ITGA11: variants seen among roughly 807,000 people sequenced by gnomAD.
The protein encoded by ITGA11 is integrin alpha-11.
Under a neutral mutation model 141.9 loss-of-function variants are expected in ITGA11, and 97 were observed. The observed-to-expected ratio is 0.68, with a 90% CI of 0.58 to 0.81. The LOEUF is 0.81. ITGA11 is among the 30% of genes least tolerant of loss of function. ITGA11 has a pLI of 0.00. For synonymous variants in ITGA11, 658 were observed against 624.6 expected (o/e 1.05, Z -0.80); for missense variants, 1,387 against 1,559.2 (o/e 0.89, Z 1.86).
intron 2 of ITGA11, among the ~76,000 whole-genome samples, chr15:68,377,258 T>C (rs1895751366): frequency 6.6e-6 from 1 of 152,228 alleles, no homozygotes; most frequent in Admixed American, 6.5e-5. Flanking sequence ...GTTGCAGAAC[T>C]GTGCAAACTA....
intron 10 of ITGA11, among the ~76,000 whole-genome samples, chr15:68,342,724 G>A (rs1047366640): frequency 6.6e-6 from 1 of 152,248 alleles, no homozygotes; most frequent in Non-Finnish European, 1.5e-5. Flanking sequence ...GCCGGGGCAG[G>A]TTTGTGCCCT....
chr15:68,379,379 C>CAG lies in ITGA11; in HGVS notation c.165-10097_165-10096dup, dbSNP rs146879182. Among the ~76,000 whole-genome samples, 20 of 152,154 alleles carry CAG rather than the reference C, an allele frequency of 1.3e-4. No homozygotes were observed. In the East Asian group the frequency reaches 1.7e-3, roughly 13 times the overall value. Reference sequence around the variant, plus strand: ...CTCTAGATAATTTGCCTGTAGATAGCAGAGAGAGAGAGACCCTGATCCATC... The same window carrying CAG: ...CTCTAGATAATTTGCCTGTAGATAGCAGAGAGAGAGAGAGACCCTGATCCATC... On this transcript the variant is annotated intron_variant, in intron 2 of 29. Transcript: ENST00000315757.
At chr15:68,430,519 T>C (rs1897244416) in intron 1 of ITGA11, among the ~76,000 whole-genome samples, 2 of 152,180 alleles carry the variant, frequency 1.3e-5, no homozygotes, top group African/African-American at 4.8e-5. Context: ...CCCTAGCCCC[T>C]AAGGCAGCCA....
Position 68,364,790 on chromosome 15 carries a change from T to TGAC in ITGA11, c.271_273dup (p.Val91dup). The TGAC allele has an allele frequency of 1.2e-6, 2 of 1,613,610 alleles. No homozygotes were observed. Among genetic ancestry groups the TGAC allele is most frequent in the Non-Finnish European group, 1.7e-6 (2 of 1,179,778 alleles). ...TTCCGCTCGGACACGTTGGACAGGG[T>TGAC]GACCCTTCCTGGGGTTGGGGGAGAA... is the stretch of plus-strand genomic sequence containing the variant. On this transcript the variant is annotated inframe_insertion, in exon 4 of 30. Coordinates refer to ENST00000315757, the MANE Select transcript of ITGA11 (RefSeq NM_001004439.2).
chr15:68,425,288 G>A (rs946873335), intron 1 of ITGA11, among the ~76,000 whole-genome samples: 1 of 152,240 alleles, frequency 6.6e-6, no homozygotes, highest in Non-Finnish European at 1.5e-5. Flanking sequence ...CTTGGTGAAT[G>A]CCCTGCTGTG....
intron 1 of ITGA11, among the ~76,000 whole-genome samples, chr15:68,415,946 A>G (rs1305014983): frequency 6.6e-6 from 1 of 152,206 alleles, no homozygotes; most frequent in Non-Finnish European, 1.5e-5. Context: ...GATGCAGAGC[A>G]GCCTGCCATT....
intron 5 of ITGA11, among the ~76,000 whole-genome samples, 162 bp downstream of exon 5, chr15:68,361,428 C>T (rs1339548119): frequency 6.6e-6 from 1 of 152,080 alleles, no homozygotes; most frequent in African/African-American, 2.4e-5. Context: ...CCACAGAGGC[C>T]CAGAGAGTGG....
At chr15:68,361,001 G>A (rs1895225350) in intron 5 of ITGA11, among the ~76,000 whole-genome samples, 1 of 152,140 alleles carries the variant, frequency 6.6e-6, no homozygotes, top group East Asian at 1.9e-4. Flanking sequence ...CAAGAAGTCT[G>A]GGCTTGTGGG....
intron 7 of ITGA11, among the ~76,000 whole-genome samples, chr15:68,355,672 T>TA (rs1895050303): frequency 1.3e-5 from 2 of 151,892 alleles, no homozygotes; most frequent in Non-Finnish European, 2.9e-5. Context: ...GTCTCAAACT[T>TA]ATGGGCTCAA....
intron 11 of ITGA11, among the ~76,000 whole-genome samples, chr15:68,338,811 G>A (rs976820042): frequency 6.6e-6 from 1 of 152,208 alleles, no homozygotes; most frequent in Non-Finnish European, 1.5e-5. Context: ...CAGTGGATTT[G>A]GTTCAGAAAT....
chr15:68,373,468 T>C (rs566084482), intron 2 of ITGA11, among the ~76,000 whole-genome samples: 19 of 152,328 alleles, frequency 1.2e-4, no homozygotes, highest in Non-Finnish European at 2.5e-4. Flanking sequence ...TTTCCATGCA[T>C]AGGAGTTCAA....
At chr15:68,412,789 C>T (rs1191522045) in intron 1 of ITGA11, among the ~76,000 whole-genome samples, 2 of 151,130 alleles carry the variant, frequency 1.3e-5, no homozygotes, top group Non-Finnish European at 2.9e-5. Flanking sequence ...AATTCTCCTG[C>T]CTCAGTCTTC....
intron 2 of ITGA11, among the ~76,000 whole-genome samples, chr15:68,395,023 T>C (rs4419008): frequency 0.42 from 64,066 of 151,932 alleles, 14,018 homozygotes; most frequent in East Asian, 0.56. Context: ...ACTGGTGATA[T>C]CCAGGCAAAC....
chr15:68,316,954 G>A (rs1178816387), intron 21 of ITGA11, among the ~76,000 whole-genome samples: 1 of 152,188 alleles, frequency 6.6e-6, no homozygotes, highest in East Asian at 1.9e-4. Flanking sequence ...CAGTGGCAGA[G>A]GCCAGAAATT....
chr15:68,409,684 T>C (rs1896728784), intron 1 of ITGA11, among the ~76,000 whole-genome samples: 1 of 152,058 alleles, frequency 6.6e-6, no homozygotes, highest in Non-Finnish European at 1.5e-5. Context: ...ATAAAAATAA[T>C]TGTGTACATG....
Position 68,357,228 on chromosome 15 carries a change from A to G in ITGA11, c.672T>C (p.Asp224=). 1 of 1,613,850 alleles carries G rather than the reference A, an allele frequency of 6.2e-7. No homozygotes were observed. Among genetic ancestry groups the G allele is most frequent in the East Asian group, 2.2e-5 (1 of 44,882 alleles). ...FHLNDYRSVK[D]VVEAASHIEQ... is the part of the protein sequence containing the mutation. ...CAATGTGGCTGGCAGCTTCCACCACATCTTTTACAGACCTGTAGTCGTTGA... is the reference window on the plus strand; with the variant it reads ...CAATGTGGCTGGCAGCTTCCACCACGTCTTTTACAGACCTGTAGTCGTTGA... The change falls in exon 7 of 30, where the codon GAT becomes GAC. Residue 224 remains aspartate (D), a synonymous_variant. Coordinates refer to ENST00000315757, the MANE Select transcript of ITGA11 (RefSeq NM_001004439.2).
chr15:68,373,249 T>C (rs1895642621), intron 2 of ITGA11, among the ~76,000 whole-genome samples: 1 of 152,102 alleles, frequency 6.6e-6, no homozygotes, highest in African/African-American at 2.4e-5. Context: ...TCATGATTCC[T>C]TGAGGTCTAA....
intron 7 of ITGA11, among the ~76,000 whole-genome samples, chr15:68,354,501 C>G (rs373163561): frequency 1.8e-4 from 27 of 152,316 alleles, no homozygotes; most frequent in African/African-American, 6.5e-4. Context: ...TTACATGGCT[C>G]ACTTCCCACC....
rs746244833 is a variant in ITGA11 at position 68,325,234 on chromosome 15, G to A, written c.2219C>T (p.Ala740Val). ...ERINFHVLDT[A>V]DYVKPVTFSV... ...GAAGGTCACTGGCTTCACGTAGTCA[G>A]CAGTGTCCTGGGGGGTGGAGATGAG... The change falls in exon 18 of 30, where the codon GCT (alanine) becomes GTT (valine). Residue 740 changes from alanine to valine, a missense_variant. Coordinates refer to ENST00000315757, the MANE Select transcript of ITGA11 (RefSeq NM_001004439.2). The surrounding 1 kb of genome is among the most constrained non-coding windows in gnomAD (Gnocchi z 5.5). 1 of 1,612,302 alleles carries A rather than the reference G, an allele frequency of 6.2e-7. No individual in the cohort carries two copies. Among genetic ancestry groups the A allele is most frequent in the Admixed American group, 1.7e-5 (1 of 60,016 alleles).
Sources: allele counts gnomAD v4.1 joint callset (sites outside exome capture counted in the v4.1 genomes callset), GRCh38; gene constraint gnomAD v4.1.1; non-coding constraint Gnocchi (gnomAD v3.1); transcripts MANE v1.5; gene names NCBI Gene and HGNC (gene_info 2026-07-23, HGNC 2026-07-21).